The following ATP8A2 variants were observed in gnomAD, a reference collection of about 807,000 sequenced individuals.
The protein encoded by ATP8A2 is ATPase phospholipid transporting 8A2, also known as phospholipid-transporting ATPase IB.
In ATP8A2, 100 loss-of-function variants were observed where a neutral mutation model predicts 165.6. The observed-to-expected ratio is 0.60, with a 90% CI of 0.51 to 0.71. ATP8A2 has a LOEUF of 0.71. Among genes scored for constraint, ATP8A2 ranks in the 30% least tolerant of loss-of-function variants. The pLI, the probability that ATP8A2 is intolerant of heterozygous loss-of-function variation, is 0.00. For synonymous variants in ATP8A2, 543 were observed against 548.8 expected, an observed-to-expected ratio of 0.99 and a Z score of 0.15; for missense variants, 1,227 against 1,479.5, an observed-to-expected ratio of 0.83 and a Z score of 2.80.
chr13:25,815,377 A>G (rs1950986289), intron 27 of ATP8A2, among the ~76,000 whole-genome samples: 1 of 152,234 alleles, frequency 6.6e-6, no homozygotes, highest in Non-Finnish European at 1.5e-5. Flanking sequence ...AAAATGGGCG[A>G]AAGACTTGAG....
At chr13:25,617,945 A>G (rs1398202061) in intron 24 of ATP8A2, among the ~76,000 whole-genome samples, 2 of 152,200 alleles carry the variant, frequency 1.3e-5, no homozygotes, top group East Asian at 3.8e-4. Context: ...GAAGCATTTT[A>G]TATATATTAA....
chr13:25,551,828 A>G (rs2038832365), intron 11 of ATP8A2, among the ~76,000 whole-genome samples: 1 of 152,164 alleles, frequency 6.6e-6, no homozygotes, highest in Non-Finnish European at 1.5e-5. Context: ...AGTCAAACAC[A>G]GAAATGTCAC....
At chr13:25,776,951 A>AAAAT (rs1432907457) in intron 27 of ATP8A2, among the ~76,000 whole-genome samples, 1 of 151,246 alleles carries the variant, frequency 6.6e-6, no homozygotes, top group Admixed American at 6.6e-5. Flanking sequence ...TTAGTCATTT[A>AAAAT]CACCTACTAT....
chr13:25,993,024 T>C (rs1311865860), intron 35 of ATP8A2, among the ~76,000 whole-genome samples: 14 of 150,940 alleles, frequency 9.3e-5, no homozygotes, highest in African/African-American at 3.4e-4. Flanking sequence ...GAACTCATCA[T>C]TTTTTATGGC....
chr13:25,502,266 G>A (rs1048290986), intron 2 of ATP8A2, among the ~76,000 whole-genome samples: 4 of 152,174 alleles, frequency 2.6e-5, no homozygotes, highest in Non-Finnish European at 5.9e-5. Context: ...TTTCCAATAA[G>A]CCATGATGGC....
At chr13:25,555,382 A>T (rs2138079812) in intron 13 of ATP8A2, among the ~76,000 whole-genome samples, 1 of 152,306 alleles carries the variant, frequency 6.6e-6, no homozygotes, top group South Asian at 2.1e-4. Context: ...TAACGGGGAA[A>T]ACGATGGCTG....
chr13:25,653,550 T>A (rs1236610633), intron 24 of ATP8A2, among the ~76,000 whole-genome samples: 2 of 152,232 alleles, frequency 1.3e-5, no homozygotes, highest in Non-Finnish European at 2.9e-5. Flanking sequence ...GAAACCCCCA[T>A]GACTCAAGTT....
intron 25 of ATP8A2, among the ~76,000 whole-genome samples, chr13:25,723,775 C>G (rs983573275): frequency 6.6e-6 from 1 of 152,028 alleles, no homozygotes; most frequent in Non-Finnish European, 1.5e-5. Flanking sequence ...ACGTAACCCC[C>G]GAGACTGCAG....
chr13:25,682,216 C>T (rs1314477110), intron 24 of ATP8A2, among the ~76,000 whole-genome samples: 2 of 152,156 alleles, frequency 1.3e-5, no homozygotes, highest in East Asian at 1.9e-4. Flanking sequence ...AGCCGCACTC[C>T]ATTGCCATGG....
At chr13:25,757,253 G>A (rs2138226327) in intron 25 of ATP8A2, among the ~76,000 whole-genome samples, 1 of 152,284 alleles carries the variant, frequency 6.6e-6, no homozygotes. Context: ...GTGGGAGGAT[G>A]GCCATAGGAG....
intron 27 of ATP8A2, among the ~76,000 whole-genome samples, chr13:25,810,478 C>T (rs1441154466): frequency 6.8e-6 from 1 of 146,098 alleles, no homozygotes; most frequent in Non-Finnish European, 1.5e-5. Context: ...GGCCCAGCCC[C>T]AATTTAAACA....
chr13:25,743,378 T>C (rs1308056383), intron 25 of ATP8A2, among the ~76,000 whole-genome samples: 1 of 152,184 alleles, frequency 6.6e-6, no homozygotes, highest in Non-Finnish European at 1.5e-5. Flanking sequence ...AATAAATTTC[T>C]GGTGTGGAAG....
Position 26,020,977 on chromosome 13 carries a change from C to T in ATP8A2, c.*992C>T, listed in dbSNP as rs1000855972. On this transcript the variant is annotated 3_prime_UTR_variant, in exon 37 of 37. Transcript: ENST00000381655. ...GCTCTGAATACTCCCTTCCCAACAT[C>T]CAGACTGCTGGGCCTTTGGCATCCA... 11 of 152,278 alleles carry T rather than the reference C, an allele frequency of 7.2e-5. No homozygotes were observed. The highest frequency in any genetic ancestry group is 7.3e-5 in the Non-Finnish European group (5 of 68,078). The allele number at this position is 152,278 out of a possible 1,614,324, so 9.4% of individuals were successfully genotyped here.
intron 24 of ATP8A2, among the ~76,000 whole-genome samples, chr13:25,689,682 G>A (rs978755891): frequency 6.6e-6 from 1 of 152,130 alleles, no homozygotes; most frequent in Admixed American, 6.5e-5. Flanking sequence ...ATTAAATGTG[G>A]CATTGATTCA....
At chr13:25,510,555 A>C (rs1285264173) in intron 2 of ATP8A2, among the ~76,000 whole-genome samples, 2 of 152,196 alleles carry the variant, frequency 1.3e-5, no homozygotes, top group Non-Finnish European at 2.9e-5. Flanking sequence ...AATACATACA[A>C]ATGTTGCACT....
At chr13:25,642,012 A>G (rs1282507902) in intron 24 of ATP8A2, among the ~76,000 whole-genome samples, 1 of 152,214 alleles carries the variant, frequency 6.6e-6, no homozygotes, top group Non-Finnish European at 1.5e-5. Flanking sequence ...AGGATTCCCT[A>G]TTTAATAAAT....
chr13:25,845,944 G>C (rs1369234963), intron 30 of ATP8A2, among the ~76,000 whole-genome samples: 2 of 152,202 alleles, frequency 1.3e-5, no homozygotes, highest in Non-Finnish European at 2.9e-5. Flanking sequence ...GGGAGGCCGA[G>C]GCAGGCAGAT....
rs113229133 is a variant in ATP8A2, at chr13:25,791,035, A to T, written c.2679+16076A>T. On this transcript the variant is annotated intron_variant, in intron 27 of 36. Coordinates refer to ENST00000381655, the MANE Select transcript of ATP8A2 (RefSeq NM_016529.6). Reference sequence around the variant, plus strand: ...GCCAACCAATCCCATTACTGGATGGATACATACCCAAAGGAATATAAATCA... The same window carrying T: ...GCCAACCAATCCCATTACTGGATGGTTACATACCCAAAGGAATATAAATCA... 7.3e-3 allele frequency among the ~76,000 whole-genome samples: 1,114 copies of T among 152,304 alleles called. 15 individuals carry two copies. Among genetic ancestry groups the T allele is most frequent in the African/African-American group, 0.025 (1,049 of 41,564 alleles).
chr13:25,781,947 C>T (rs994512241), intron 27 of ATP8A2, among the ~76,000 whole-genome samples: 3 of 152,178 alleles, frequency 2.0e-5, no homozygotes, highest in African/African-American at 7.2e-5. Flanking sequence ...TATCTATGTC[C>T]TACTAGTAAC....
Sources: gnomAD v4.1 joint callset for allele counts (sites outside exome capture counted in the v4.1 genomes callset) on GRCh38, gnomAD v4.1.1 for gene constraint, MANE v1.5 for transcripts, NCBI Gene and HGNC (gene_info 2026-07-23, HGNC 2026-07-21) for gene names.